The following PPP1R12B variants were observed in gnomAD, a reference collection of about 807,000 sequenced individuals.
The protein encoded by PPP1R12B is protein phosphatase 1 regulatory subunit 12B.
Under a neutral mutation model 126.1 loss-of-function variants are expected in PPP1R12B, and 76 were observed. That is an observed-to-expected ratio of 0.60 (90% CI 0.50 to 0.73). The LOEUF is 0.73. PPP1R12B is among the 30% of genes least tolerant of loss of function. The pLI is 0.00. For missense variants in PPP1R12B, 1,052 were observed against 1,205.1 expected (o/e 0.87, Z 1.88); for synonymous variants, 356 against 434.7 (o/e 0.82, Z 2.25).
At chr1:202,365,257 C>G (rs1389246487) in intron 1 of PPP1R12B, among the ~76,000 whole-genome samples, 1 of 151,762 alleles carries the variant, frequency 6.6e-6, no homozygotes, top group Non-Finnish European at 1.5e-5. Context: ...TGAGACCAGC[C>G]TGGGCATTTT....
intron 18 of PPP1R12B, among the ~76,000 whole-genome samples, chr1:202,528,357 T>C (rs1433331284): frequency 2.0e-5 from 3 of 152,170 alleles, no homozygotes; most frequent in African/African-American, 7.2e-5. Context: ...AGAGAACAAT[T>C]TGTGGTTGTT....
intron 18 of PPP1R12B, among the ~76,000 whole-genome samples, chr1:202,543,826 A>G (rs1685374143): frequency 1.3e-5 from 2 of 152,208 alleles, no homozygotes; most frequent in Non-Finnish European, 2.9e-5. Flanking sequence ...GCTCCTACCG[A>G]CAGTAAGAAT....
intron 23 of PPP1R12B, chr1:202,575,615 G>C (rs575564148): frequency 6.5e-6 from 1 of 153,012 alleles, no homozygotes; most frequent in Non-Finnish European, 1.5e-5. Context: ...AAGGGCAGGG[G>C]CTCTCAATCT....
In PPP1R12B at chr1:202,556,117, C is replaced by G. The variant is rs190762960; in HGVS notation, c.2491-2760C>G. ...TCTCGAACTCCTGACCTCAAGTGATCCACCTGCCTCAGCCTCCCAAGCTGC... is the reference window on the plus strand; with the variant it reads ...TCTCGAACTCCTGACCTCAAGTGATGCACCTGCCTCAGCCTCCCAAGCTGC... On this transcript the variant is annotated intron_variant, in intron 18 of 23. Coordinates refer to ENST00000608999, the MANE Select transcript of PPP1R12B (RefSeq NM_002481.4). Among the ~76,000 whole-genome samples, 339 of 152,256 alleles carry G rather than the reference C, an allele frequency of 2.2e-3. 1 individual carries two copies. Among genetic ancestry groups the G allele is most frequent in the Admixed American group, 7.3e-3 (111 of 15,296 alleles).
intron 1 of PPP1R12B, among the ~76,000 whole-genome samples, chr1:202,351,506 T>G (rs1453336151): frequency 1.3e-4 from 20 of 152,224 alleles, no homozygotes; most frequent in Admixed American, 1.3e-3. Flanking sequence ...CCCAAAGTGC[T>G]GGGATTACAG....
At chr1:202,420,369 A>G (rs544350443) in intron 2 of PPP1R12B, among the ~76,000 whole-genome samples, 3 of 152,342 alleles carry the variant, frequency 2.0e-5, no homozygotes, top group Admixed American at 2.0e-4. Context: ...TCATGAAGGC[A>G]AAAGCATTTT....
chr1:202,506,995 T>C (rs1308393604), intron 18 of PPP1R12B, among the ~76,000 whole-genome samples: 1 of 152,200 alleles, frequency 6.6e-6, no homozygotes. Context: ...TGAAGCTTGC[T>C]TGACTTTTGA....
chr1:202,362,016 T>C (rs770475485), intron 1 of PPP1R12B, among the ~76,000 whole-genome samples: 7 of 152,200 alleles, frequency 4.6e-5, no homozygotes, highest in Non-Finnish European at 8.8e-5. Flanking sequence ...GATGTATGGT[T>C]TTATGAACTG....
At chr1:202,432,405 C>A (rs1431340470) in intron 8 of PPP1R12B, among the ~76,000 whole-genome samples, 1 of 151,922 alleles carries the variant, frequency 6.6e-6, no homozygotes, top group Non-Finnish European at 1.5e-5. Flanking sequence ...GTAGCTGGGA[C>A]TACAGGTGTG....
intron 9 of PPP1R12B, 94 bp from the exon 10 acceptor site, chr1:202,437,727 C>A: frequency 8.8e-7 from 1 of 1,141,458 alleles, no homozygotes. Flanking sequence ...TATGTTGCCT[C>A]GCTGAACTTA....
intron 13 of PPP1R12B, among the ~76,000 whole-genome samples, chr1:202,465,794 G>A (rs565422489): frequency 1.3e-4 from 20 of 152,222 alleles, no homozygotes; most frequent in African/African-American, 4.8e-4. Context: ...AGGAAATCTA[G>A]TCTTCTAACC....
intron 1 of PPP1R12B, among the ~76,000 whole-genome samples, chr1:202,377,314 A>G (rs1275317980): frequency 6.6e-6 from 1 of 151,296 alleles, no homozygotes; most frequent in East Asian, 1.9e-4. Context: ...TGAGAAGGGT[A>G]GTATCTTTTT....
intron 1 of PPP1R12B, among the ~76,000 whole-genome samples, chr1:202,377,832 GTTTTTTTTTTTT>G (rs74860606): frequency 4.1e-5 from 4 of 97,304 alleles, no homozygotes; most frequent in African/African-American, 1.5e-4. Flanking sequence ...AAAGACAGGT[GTTTTTTTTTTTT>G]TTTTTTTTTT....
At chr1:202,578,841 T>C (rs1689330542) in intron 23 of PPP1R12B, among the ~76,000 whole-genome samples, 1 of 152,192 alleles carries the variant, frequency 6.6e-6, no homozygotes, top group African/African-American at 2.4e-5. Context: ...CTGCCTAAAG[T>C]AATAGATCAC....
intron 18 of PPP1R12B, among the ~76,000 whole-genome samples, chr1:202,538,279 G>GC (rs1684757319): frequency 6.6e-6 from 1 of 152,214 alleles, no homozygotes; most frequent in South Asian, 2.1e-4. Flanking sequence ...ACAGGCGTGA[G>GC]CCATTGCACC....
At chr1:202,401,665 A>G (rs916097901) in intron 1 of PPP1R12B, among the ~76,000 whole-genome samples, 4 of 151,954 alleles carry the variant, frequency 2.6e-5, no homozygotes, top group Non-Finnish European at 5.9e-5. Context: ...CCTCACATCA[A>G]CCCTGAAATA....
At chr1:202,441,144 C>T (rs112324812) in intron 11 of PPP1R12B, among the ~76,000 whole-genome samples, 94 of 152,186 alleles carry the variant, frequency 6.2e-4, no homozygotes, top group African/African-American at 2.1e-3. Context: ...ATAGTAAACA[C>T]TAAAATAATG....
At position 202,590,314 on chromosome 1, in the gene PPP1R12B, C is replaced by T. The variant is rs1187331901; in HGVS notation, c.*9754C>T. On this transcript the variant is annotated 3_prime_UTR_variant, in exon 24 of 24. Transcript: ENST00000608999. ...GCCTCCCAGACAATGTTCCCCGGCA[C>T]CACCACACTCCCCACAGTTCCACAG... 1 of 151,222 alleles carries T rather than the reference C, an allele frequency of 6.6e-6. No individual in the cohort carries two copies. The highest frequency in any genetic ancestry group is 2.1e-4 in the South Asian group (1 of 4,660). The allele number at this position is 151,222 out of a possible 1,614,324, so 9.4% of individuals were successfully genotyped here. A position where few individuals can be genotyped will look rare whatever the true frequency, so the allele number is the denominator to read the frequency against.
chr1:202,401,361 A>ATTTTTTTTTTTTTTTTTTTTTTTT lies in PPP1R12B; in HGVS notation c.292-15420_292-15397dup, dbSNP rs34810265. On this transcript the variant is annotated intron_variant, in intron 1 of 23. Coordinates refer to ENST00000608999, the MANE Select transcript of PPP1R12B (RefSeq NM_002481.4). ...TCCACCACCATGGCTGGCTAATTTA[A>ATTTTTTTTTTTTTTTTTTTTTTTT]TTTTTTTTTTTTTTTTTTTTTTTTT... 2.8e-5 allele frequency among the ~76,000 whole-genome samples: 2 copies of ATTTTTTTTTTTTTTTTTTTTTTTT among 71,426 alleles called. 1 individual carries two copies. Among genetic ancestry groups the ATTTTTTTTTTTTTTTTTTTTTTTT allele is most frequent in the Non-Finnish European group, 4.9e-5 (2 of 40,552 alleles). 46.9% of individuals were successfully genotyped at this position (71,426 alleles called of 152,430 possible). A position where few individuals can be genotyped will look rare whatever the true frequency, so the allele number is the denominator to read the frequency against.
Sources: allele counts gnomAD v4.1 joint callset (sites outside exome capture counted in the v4.1 genomes callset), GRCh38; gene constraint gnomAD v4.1.1; transcripts MANE v1.5; gene names NCBI Gene and HGNC (gene_info 2026-07-23, HGNC 2026-07-21).